SLC9C1: variants seen among roughly 807,000 people sequenced by gnomAD.
The protein encoded by SLC9C1 is solute carrier family 9 member C1.
SLC9C1 carries 97 observed loss-of-function variants against 140.9 expected under a neutral mutation model. The ratio of observed to expected loss-of-function variants is 0.69; its 90% CI spans 0.58 to 0.82. SLC9C1 has a LOEUF of 0.82. Ranked by LOEUF, SLC9C1 falls within the 40% of genes least tolerant of loss-of-function variation. SLC9C1 has a pLI of 0.00. For missense variants in SLC9C1, 1,340 were observed against 1,389.3 expected, an observed-to-expected ratio of 0.96 and a Z score of 0.56; for synonymous variants, 440 against 442.6, an observed-to-expected ratio of 0.99 and a Z score of 0.07.
At chr3:112,292,282 T>C (rs1010051983) in intron 1 of SLC9C1, among the ~76,000 whole-genome samples, 8 of 152,168 alleles carry the variant, frequency 5.3e-5, no homozygotes, top group African/African-American at 9.7e-5. Context: ...TATAATCACA[T>C]TAATAATAAT....
intron 1 of SLC9C1, among the ~76,000 whole-genome samples, chr3:112,292,765 G>A (rs868596094): frequency 2.6e-5 from 4 of 151,150 alleles, no homozygotes; most frequent in South Asian, 2.1e-4. Context: ...GGATGGTCTC[G>A]ATCTCCTGAC....
intron 16 of SLC9C1, among the ~76,000 whole-genome samples, chr3:112,206,842 G>T (rs4280608): frequency 2.1e-5 from 3 of 146,034 alleles, no homozygotes; most frequent in East Asian, 4.1e-4. Flanking sequence ...GGATCCTGTC[G>T]TGGGGTCGGG....
intron 12 of SLC9C1, among the ~76,000 whole-genome samples, chr3:112,236,484 T>A (rs1224157834): frequency 1.3e-5 from 2 of 152,240 alleles, no homozygotes; most frequent in African/African-American, 2.4e-5. Context: ...TCTGCTCTGA[T>A]CTTAGTTATT....
rs73853389 is a variant in SLC9C1 at position 112,282,028 on chromosome 3, C to T, written c.89-1245G>A. Among the ~76,000 whole-genome samples the T allele has an allele frequency of 8.0e-3, 1,217 of 152,274 alleles. 16 individuals carry two copies. The highest frequency in any genetic ancestry group is 0.026 in the African/African-American group (1,093 of 41,554). On this transcript the variant is annotated intron_variant, in intron 2 of 28. Coordinates refer to ENST00000305815, the MANE Select transcript of SLC9C1 (RefSeq NM_183061.3). ...CTAATTGAAGAAAACCAACAATTAA[C>T]AGCAGAAATGACAACCAACACCATA...
intron 23 of SLC9C1, among the ~76,000 whole-genome samples, chr3:112,172,477 AT>A (rs1447136166): frequency 6.6e-6 from 1 of 152,100 alleles, no homozygotes; most frequent in Non-Finnish European, 1.5e-5. Flanking sequence ...ACAAATGTAG[AT>A]ATCATGCCAT....
At chr3:112,147,453 T>G (rs1256761307) in intron 28 of SLC9C1, 3 of 365,988 alleles carry the variant, frequency 8.2e-6, no homozygotes, top group African/African-American at 2.2e-5. Flanking sequence ...TAGAACTCTC[T>G]TAACAGTCTC....
At chr3:112,215,203 G>A (rs978382249) in intron 15 of SLC9C1, among the ~76,000 whole-genome samples, 6 of 151,934 alleles carry the variant, frequency 3.9e-5, no homozygotes, top group Non-Finnish European at 5.9e-5. Flanking sequence ...TTGATGGGAC[G>A]TATCTCAAAA....
intron 28 of SLC9C1, among the ~76,000 whole-genome samples, chr3:112,150,629 C>T (rs948435101): frequency 2.6e-4 from 40 of 151,516 alleles, no homozygotes; most frequent in East Asian, 1.7e-3. Context: ...GCCTCTAATC[C>T]GCCATTAAAT....
intron 10 of SLC9C1, among the ~76,000 whole-genome samples, chr3:112,251,859 T>C (rs1172853843): frequency 1.3e-5 from 2 of 152,192 alleles, no homozygotes; most frequent in East Asian, 1.9e-4. Context: ...GCTTCTCCCA[T>C]GGATCTTTGC....
chr3:112,147,321 A>G (rs779923596), intron 28 of SLC9C1, among the ~76,000 whole-genome samples: 1 of 152,094 alleles, frequency 6.6e-6, no homozygotes. Context: ...TTTTGATCCT[A>G]TTGTGAAGTT....
intron 12 of SLC9C1, 42 bp from the exon 13 acceptor site, chr3:112,231,528 T>C: frequency 6.5e-7 from 1 of 1,544,540 alleles, no homozygotes; most frequent in Non-Finnish European, 8.8e-7. Flanking sequence ...TACATGAATA[T>C]TAACATATTG....
intron 20 of SLC9C1, among the ~76,000 whole-genome samples, chr3:112,183,676 G>C (rs1430315231): frequency 2.4e-4 from 28 of 115,122 alleles, no homozygotes; most frequent in African/African-American, 9.0e-4. Context: ...CGCATGGGGG[G>C]CAGAGTAGGC....
chr3:112,185,542 G>T lies in SLC9C1; in HGVS notation c.2524-3284C>A, dbSNP rs141696398. On this transcript the variant is annotated intron_variant, in intron 20 of 28. Coordinates refer to ENST00000305815, the MANE Select transcript of SLC9C1 (RefSeq NM_183061.3). ...AAGACTTGCACAGGGGCCCCGTCAG[G>T]CGATCTCCGCAGCACACACACTGTG... 916 of 1,613,320 alleles carry T rather than the reference G, an allele frequency of 5.7e-4. 2 individuals are homozygous for T. In the African/African-American group the frequency reaches 7.2e-3, roughly 13 times the overall value.
chr3:112,242,980 C>T (rs1428535833), intron 11 of SLC9C1, among the ~76,000 whole-genome samples: 1 of 152,096 alleles, frequency 6.6e-6, no homozygotes, highest in East Asian at 1.9e-4. Context: ...CCATCTCACA[C>T]CAGTTAGAAT....
intron 12 of SLC9C1, among the ~76,000 whole-genome samples, chr3:112,235,088 A>G (rs1357750604): frequency 6.8e-6 from 1 of 147,126 alleles, no homozygotes; most frequent in Non-Finnish European, 1.5e-5. Context: ...TTTTCACGAT[A>G]TTGATTCTTC....
intron 10 of SLC9C1, among the ~76,000 whole-genome samples, chr3:112,256,429 T>A (rs559066319): frequency 6.6e-6 from 1 of 152,164 alleles, no homozygotes; most frequent in African/African-American, 2.4e-5. Flanking sequence ...TATATGCAAA[T>A]AAATAAATGT....
chr3:112,253,211 G>A (rs373721309), intron 10 of SLC9C1, among the ~76,000 whole-genome samples: 72 of 152,240 alleles, frequency 4.7e-4, no homozygotes, highest in African/African-American at 1.6e-3. Context: ...CAGCAGACAG[G>A]CAAAAGACCT....
At chr3:112,173,793 T>C (rs756342085) in intron 23 of SLC9C1, among the ~76,000 whole-genome samples, 1 of 152,248 alleles carries the variant, frequency 6.6e-6, no homozygotes, top group Admixed American at 6.5e-5. Flanking sequence ...TTTCTGTATA[T>C]ACCCAATAAC....
intron 10 of SLC9C1, among the ~76,000 whole-genome samples, chr3:112,259,825 A>G (rs981613537): frequency 6.6e-6 from 1 of 152,150 alleles, no homozygotes; most frequent in East Asian, 1.9e-4. Context: ...CCAAATCTTA[A>G]AGGGAAAACA....
Sources: gnomAD v4.1 joint callset for allele counts (sites outside exome capture counted in the v4.1 genomes callset) on GRCh38, gnomAD v4.1.1 for gene constraint, MANE v1.5 for transcripts, NCBI Gene and HGNC (gene_info 2026-07-23, HGNC 2026-07-21) for gene names.